PROS1: variants seen among roughly 807,000 people sequenced by gnomAD.
PROS1 encodes protein S, also known as vitamin K-dependent protein S.
Under a neutral mutation model 75.9 loss-of-function variants are expected in PROS1, and 29 were observed. The ratio of observed to expected loss-of-function variants is 0.38; its 90% confidence interval spans 0.28 to 0.52. The LOEUF is 0.52. PROS1 is among the 20% of genes least tolerant of loss of function. The probability of loss-of-function intolerance (pLI) is 0.83; values close to 1 mark genes in which losing one functional copy is unlikely to be tolerated. For synonymous variants in PROS1, 245 were observed against 280.6 expected, an observed-to-expected ratio of 0.87 and a Z score of 1.27; for missense variants, 680 against 810.3, an observed-to-expected ratio of 0.84 and a Z score of 1.95.
At chr3:93,886,187 A>G in intron 11 of PROS1, 149 bp downstream of exon 11, 1 of 663,460 alleles carries the variant, frequency 1.5e-6, no homozygotes, top group Non-Finnish European at 2.7e-6. Context: ...AAGGGTTACT[A>G]ATGTTATTTT....
At chr3:93,950,111 C>G (rs1172670618) in intron 1 of PROS1, among the ~76,000 whole-genome samples, 1 of 152,132 alleles carries the variant, frequency 6.6e-6, no homozygotes, top group Non-Finnish European at 1.5e-5. Flanking sequence ...GATCAAATTG[C>G]AAGCCAGAAG....
At chr3:93,951,658 C>A (rs1397284101) in intron 1 of PROS1, among the ~76,000 whole-genome samples, 1 of 152,142 alleles carries the variant, frequency 6.6e-6, no homozygotes. Flanking sequence ...ATCGTAAACA[C>A]CATCGATGCT....
At chr3:93,964,872 G>A (rs1709763624) in intron 1 of PROS1, among the ~76,000 whole-genome samples, 1 of 152,056 alleles carries the variant, frequency 6.6e-6, no homozygotes, top group Non-Finnish European at 1.5e-5. Flanking sequence ...CAACACTTAT[G>A]GAAAATAGAA....
chr3:93,919,057 C>T (rs1708905268), intron 3 of PROS1, among the ~76,000 whole-genome samples: 2 of 152,128 alleles, frequency 1.3e-5, no homozygotes, highest in African/African-American at 4.8e-5. Context: ...TATGCAACCA[C>T]CACTTTATAA....
At chr3:93,939,397 C>T (rs1709243887) in intron 1 of PROS1, among the ~76,000 whole-genome samples, 1 of 152,000 alleles carries the variant, frequency 6.6e-6, no homozygotes, top group Admixed American at 6.6e-5. Flanking sequence ...CCTTTTCTAC[C>T]AACCAATCTG....
chr3:93,969,849 A>C (rs1709849569), intron 1 of PROS1, among the ~76,000 whole-genome samples: 1 of 152,182 alleles, frequency 6.6e-6, no homozygotes, highest in Admixed American at 6.5e-5. Context: ...CTGTATTATC[A>C]GGCATAATAT....
intron 14 of PROS1, among the ~76,000 whole-genome samples, chr3:93,875,459 C>T (rs1314766038): frequency 2.0e-5 from 3 of 152,120 alleles, no homozygotes. Flanking sequence ...CCCGAAACCA[C>T]TGAAATTTTG....
intron 1 of PROS1, among the ~76,000 whole-genome samples, chr3:93,949,885 T>C (rs904238825): frequency 2.0e-5 from 3 of 152,088 alleles, no homozygotes; most frequent in African/African-American, 7.2e-5. Context: ...AGGGGGGGCA[T>C]TGCCTCACCC....
At chr3:93,880,728 T>C (rs1455195518) in intron 12 of PROS1, among the ~76,000 whole-genome samples, 7 of 152,218 alleles carry the variant, frequency 4.6e-5, no homozygotes, top group African/African-American at 1.7e-4. Flanking sequence ...AACACACGAA[T>C]GTATAGAAGT....
intron 3 of PROS1, chr3:93,911,276 A>G (rs544344591): frequency 2.0e-5 from 3 of 153,228 alleles, no homozygotes; most frequent in South Asian, 2.1e-4. Flanking sequence ...CCTGGTAGAT[A>G]TTGCTAGGAA....
chr3:93,927,950 T>C (rs527432959), intron 1 of PROS1, among the ~76,000 whole-genome samples: 16 of 139,876 alleles, frequency 1.1e-4, no homozygotes, highest in African/African-American at 3.9e-4. Context: ...TATATATATA[T>C]ACTTGTGTAT....
At chr3:93,931,560 C>G (rs1265587826) in intron 1 of PROS1, among the ~76,000 whole-genome samples, 3 of 152,110 alleles carry the variant, frequency 2.0e-5, no homozygotes, top group Non-Finnish European at 4.4e-5. Flanking sequence ...AAAAATAATG[C>G]TTGTGGTCTA....
At chr3:93,892,777 C>T (rs1437489767) in intron 10 of PROS1, among the ~76,000 whole-genome samples, 156 bp downstream of exon 10, 1 of 152,104 alleles carries the variant, frequency 6.6e-6, no homozygotes, top group Non-Finnish European at 1.5e-5. Context: ...TATTATTTCT[C>T]AGGATGCTTC....
At chr3:93,910,530 A>G in intron 4 of PROS1, 89 bp downstream of exon 4, 1 of 1,103,264 alleles carries the variant, frequency 9.1e-7, no homozygotes, top group Non-Finnish European at 1.4e-6. Context: ...TCATTTCTCA[A>G]TTTTTAAACG....
At chr3:93,943,440 A>G (rs1445899162) in intron 1 of PROS1, among the ~76,000 whole-genome samples, 18 of 152,090 alleles carry the variant, frequency 1.2e-4, no homozygotes, top group Admixed American at 1.2e-3. Context: ...CCAGGCCATC[A>G]CCAACCATTC....
At chr3:93,901,197 A>C (rs1222690343) in intron 6 of PROS1, among the ~76,000 whole-genome samples, 1 of 152,220 alleles carries the variant, frequency 6.6e-6, no homozygotes, top group Non-Finnish European at 1.5e-5. Flanking sequence ...AAATTTTCTT[A>C]TCTGCCAGGT....
At chr3:93,920,710 A>G (rs565872400) in intron 3 of PROS1, among the ~76,000 whole-genome samples, 24 of 152,120 alleles carry the variant, frequency 1.6e-4, no homozygotes, top group Non-Finnish European at 2.1e-4. Context: ...CCATAAAGAA[A>G]CTATACCTAA....
intron 12 of PROS1, among the ~76,000 whole-genome samples, chr3:93,879,962 C>G (rs1327083562): frequency 2.0e-5 from 3 of 152,176 alleles, no homozygotes; most frequent in Non-Finnish European, 4.4e-5. Context: ...TTTTCCCCAG[C>G]ACTCACTCAA....
At chr3:93,956,072 T>C (rs1342374775) in intron 1 of PROS1, among the ~76,000 whole-genome samples, 1 of 152,172 alleles carries the variant, frequency 6.6e-6, no homozygotes, top group Non-Finnish European at 1.5e-5. Flanking sequence ...TCCATGATAG[T>C]AAATAAATGG....
Sources: gnomAD v4.1 joint callset for allele counts (sites outside exome capture counted in the v4.1 genomes callset) on GRCh38, gnomAD v4.1.1 for gene constraint, MANE v1.5 for transcripts, NCBI Gene and HGNC (gene_info 2026-07-23, HGNC 2026-07-21) for gene names.